Variants in NR2F1-AS1 observed in about 807,000 individuals in gnomAD.
NR2F1-AS1 encodes the protein NR2F1 antisense RNA 1.
In NR2F1-AS1 at chr5:93,489,559, G is replaced by C. The variant is rs192576540; in HGVS notation, n.638+64202C>G. Among the ~76,000 whole-genome samples the C allele has an allele frequency of 3.9e-5, 6 of 152,146 alleles. No individual in the cohort carries two copies. In the East Asian group the frequency reaches 1.2e-3, roughly 29 times the overall value. On this transcript the variant is annotated intron_variant and non_coding_transcript_variant, in intron 4 of 5. Transcript: ENST00000660523. ...ACGGTGGTTCGGTACCAAATCTGCAGTATTTCTGAGGTATGCCTGTATTTG... is the reference window on the plus strand; with the variant it reads ...ACGGTGGTTCGGTACCAAATCTGCACTATTTCTGAGGTATGCCTGTATTTG...
intron 4 of NR2F1-AS1, among the ~76,000 whole-genome samples, chr5:93,413,861 A>T (rs934831456): frequency 1.3e-5 from 2 of 152,024 alleles, no homozygotes; most frequent in African/African-American, 4.8e-5. Flanking sequence ...CTCATTCAAA[A>T]CCTTAATTTT....
intron 4 of NR2F1-AS1, among the ~76,000 whole-genome samples, chr5:93,540,262 T>A (rs1349980101): frequency 6.6e-6 from 1 of 152,214 alleles, no homozygotes; most frequent in Non-Finnish European, 1.5e-5. Context: ...TGTTGAATAC[T>A]CTCTTTGAAT....
At chr5:93,433,279 C>A (rs1381296371) in intron 4 of NR2F1-AS1, among the ~76,000 whole-genome samples, 2 of 152,138 alleles carry the variant, frequency 1.3e-5, no homozygotes, top group African/African-American at 4.8e-5. Context: ...CTAGAATTCC[C>A]TTGTAGCCAG....
In NR2F1-AS1 at chr5:93,443,100, C is replaced by T. The variant is rs181538031; in HGVS notation, n.639-47558G>A. Among the ~76,000 whole-genome samples the T allele has an allele frequency of 5.6e-3, 850 of 152,302 alleles. 7 individuals carry two copies. The highest frequency in any genetic ancestry group is 0.014 in the Admixed American group (208 of 15,292). On this transcript the variant is annotated intron_variant and non_coding_transcript_variant, in intron 4 of 5. Coordinates refer to ENST00000660523, the Ensembl canonical transcript of NR2F1-AS1. ...CCACAAAGATGAGGAGAAACCAGAGCAGAAAAGCTGAAAATTCTAAAAATC... is the reference window on the plus strand; with the variant it reads ...CCACAAAGATGAGGAGAAACCAGAGTAGAAAAGCTGAAAATTCTAAAAATC...
intron 4 of NR2F1-AS1, among the ~76,000 whole-genome samples, chr5:93,463,275 T>C (rs890724306): frequency 1.3e-5 from 2 of 152,190 alleles, no homozygotes; most frequent in Non-Finnish European, 2.9e-5. Context: ...GTGAAAGCCC[T>C]GAGCCTTGGC....
intron 1 of NR2F1-AS1, among the ~76,000 whole-genome samples, chr5:93,568,571 C>T (rs1752667936): frequency 6.6e-6 from 1 of 152,126 alleles, no homozygotes; most frequent in Non-Finnish European, 1.5e-5. Context: ...AAACTTGACA[C>T]GAGTCCCTGA....
At chr5:93,479,845 AT>A (rs145968266) in intron 4 of NR2F1-AS1, among the ~76,000 whole-genome samples, 20,776 of 151,728 alleles carry the variant, frequency 0.14, 1,851 homozygotes, top group African/African-American at 0.25. Flanking sequence ...AATAGAAATT[AT>A]TTTTTTTTAA....
At chr5:93,422,428 G>C (rs1218708951) in intron 4 of NR2F1-AS1, 3 of 152,224 alleles carry the variant, frequency 2.0e-5, no homozygotes, top group African/African-American at 7.2e-5. Flanking sequence ...GGATCTGAAA[G>C]AGTGGCTGAG....
At chr5:93,581,718 CTCT>C, upstream of NR2F1-AS1, among the ~76,000 whole-genome samples, 1 of 69,456 alleles carries the variant, frequency 1.4e-5, no homozygotes, top group Non-Finnish European at 2.8e-5. Context: ...CTCTCTCTCT[CTCT>C]CTCTCTCTCT....
intron 4 of NR2F1-AS1, among the ~76,000 whole-genome samples, chr5:93,503,188 T>C (rs1285096594): frequency 6.6e-6 from 1 of 152,212 alleles, no homozygotes; most frequent in Non-Finnish European, 1.5e-5. Flanking sequence ...ATCAAGTTGC[T>C]AGCTTAAACA....
At chr5:93,500,643 A>G (rs1751058883) in intron 4 of NR2F1-AS1, among the ~76,000 whole-genome samples, 1 of 151,526 alleles carries the variant, frequency 6.6e-6, no homozygotes, top group African/African-American at 2.4e-5. Context: ...GTCTTACTAA[A>G]TTTTTTTTTC....
At chr5:93,546,851 C>T (rs946609670) in intron 4 of NR2F1-AS1, among the ~76,000 whole-genome samples, 1 of 152,128 alleles carries the variant, frequency 6.6e-6, no homozygotes, top group Admixed American at 6.5e-5. Context: ...CAAACACTAA[C>T]CTAGATGTTA....
intron 4 of NR2F1-AS1, chr5:93,545,006 AAAG>A (rs1752049636): frequency 6.6e-6 from 1 of 152,124 alleles, no homozygotes; most frequent in Non-Finnish European, 1.5e-5. Flanking sequence ...GAATGACTAC[AAAG>A]AGTTTGCACC....
chr5:93,552,508 T>C (rs1021808875), intron 4 of NR2F1-AS1, among the ~76,000 whole-genome samples: 1 of 152,118 alleles, frequency 6.6e-6, no homozygotes, highest in Non-Finnish European at 1.5e-5. Context: ...TATTGATGGT[T>C]AGGCTAGTTA....
intron 4 of NR2F1-AS1, among the ~76,000 whole-genome samples, chr5:93,547,971 G>A (rs1752128107): frequency 6.6e-6 from 1 of 152,184 alleles, no homozygotes; most frequent in African/African-American, 2.4e-5. Context: ...GAAAAAGGGA[G>A]AGAGAATCAG....
At chr5:93,519,688 T>C (rs549990993) in intron 4 of NR2F1-AS1, among the ~76,000 whole-genome samples, 4 of 152,144 alleles carry the variant, frequency 2.6e-5, no homozygotes, top group East Asian at 3.9e-4. Context: ...TCTGCTGCTA[T>C]TGCCCAGTAA....
intron 4 of NR2F1-AS1, among the ~76,000 whole-genome samples, chr5:93,524,040 G>A (rs1751560103): frequency 6.6e-6 from 1 of 151,744 alleles, no homozygotes; most frequent in Non-Finnish European, 1.5e-5. Context: ...TCAGAAGGTG[G>A]GTAATAACAA....
At chr5:93,580,729 A>G (rs1179372204) in exon 1 of NR2F1-AS1, 1 of 152,420 alleles carries the variant, frequency 6.6e-6, no homozygotes, top group East Asian at 1.9e-4. Flanking sequence ...GTACATAGAA[A>G]GGTTTTCTTT....
At chr5:93,583,934 A>G (rs1172797325), upstream of NR2F1-AS1, 1 of 152,360 alleles carries the variant, frequency 6.6e-6, no homozygotes, top group Non-Finnish European at 1.5e-5. Flanking sequence ...AGGCAGCGAG[A>G]GCCCGGCGCC....
Sources: allele counts gnomAD v4.1 joint callset (sites outside exome capture counted in the v4.1 genomes callset), GRCh38; gene constraint gnomAD v4.1.1; transcripts MANE v1.5; gene names NCBI Gene and HGNC (gene_info 2026-07-23, HGNC 2026-07-21).